CAMK1D: variants seen among roughly 807,000 people sequenced by gnomAD.
The protein encoded by CAMK1D is calcium/calmodulin dependent protein kinase ID, also known as calcium/calmodulin-dependent protein kinase type 1D.
Under a neutral mutation model 47.7 loss-of-function variants are expected in CAMK1D, and 9 were observed. The ratio of observed to expected loss-of-function variants is 0.19; its 90% CI spans 0.11 to 0.33. The LOEUF (loss-of-function observed/expected upper bound fraction) is 0.33, where lower values mean the gene tolerates loss of function less well. CAMK1D is among the 10% of genes least tolerant of loss of function. CAMK1D has a pLI of 1.00. For missense variants in CAMK1D, 291 were observed against 488.7 expected (o/e 0.60, Z 3.81); for synonymous variants, 184 against 184.9 (o/e 0.99, Z 0.04).
rs561300490 is a variant in CAMK1D at position 12,569,554 on chromosome 10, CA to C, written c.224+16213del. Reference sequence around the variant, plus strand: ...TGAAACCCCATCTCTACTAAAAATACAAAAAAAAAAAAAAATTAGCCGGGCT... The same window carrying C: ...TGAAACCCCATCTCTACTAAAAATACAAAAAAAAAAAAAATTAGCCGGGCT... On this transcript the variant is annotated intron_variant, in intron 2 of 10. Transcript: ENST00000619168. 4.6e-3 allele frequency among the ~76,000 whole-genome samples: 630 copies of C among 135,796 alleles called. 6 individuals are homozygous for C. Among genetic ancestry groups the C allele is most frequent in the African/African-American group, 0.013 (485 of 36,654 alleles). 89.1% of individuals were successfully genotyped at this position (135,796 alleles called of 152,430 possible).
chr10:12,477,468 G>A (rs895455910), intron 1 of CAMK1D, among the ~76,000 whole-genome samples: 1 of 152,180 alleles, frequency 6.6e-6, no homozygotes, highest in Non-Finnish European at 1.5e-5. Flanking sequence ...CATCTGAGAT[G>A]ACTGGGGAAG....
chr10:12,660,350 T>G (rs1341164061), intron 2 of CAMK1D, among the ~76,000 whole-genome samples: 1 of 152,176 alleles, frequency 6.6e-6, no homozygotes, highest in Non-Finnish European at 1.5e-5. Flanking sequence ...GAGGGGAAGA[T>G]GTTACTCTCA....
rs76777625 is a variant in CAMK1D at position 12,659,297 on chromosome 10, C to T, written c.225-7439C>T. ...TTCATGCTAAGAAGTTTTATCAGTTCTATATTTTGGAGAGATCACTCAGGA... is the reference window on the plus strand; with the variant it reads ...TTCATGCTAAGAAGTTTTATCAGTTTTATATTTTGGAGAGATCACTCAGGA... On this transcript the variant is annotated intron_variant, in intron 2 of 10. Coordinates refer to ENST00000619168, the MANE Select transcript of CAMK1D (RefSeq NM_153498.4). 6.0e-3 allele frequency among the ~76,000 whole-genome samples: 915 copies of T among 152,256 alleles called. 7 individuals carry two copies. The highest frequency in any genetic ancestry group is 0.029 in the South Asian group (142 of 4,820).
At chr10:12,538,665 C>T (rs11257872) in intron 1 of CAMK1D, among the ~76,000 whole-genome samples, 41,689 of 151,844 alleles carry the variant, frequency 0.27, 5,994 homozygotes, top group East Asian at 0.37. Flanking sequence ...AGTTGCTAGG[C>T]GTCCAGCAGA....
intron 1 of CAMK1D, among the ~76,000 whole-genome samples, chr10:12,398,577 G>C (rs1345796998): frequency 6.6e-6 from 1 of 152,144 alleles, no homozygotes; most frequent in Non-Finnish European, 1.5e-5. Context: ...TTGAACTCCT[G>C]ACCTCAGGTG....
At chr10:12,672,456 C>G (rs1840654900) in intron 3 of CAMK1D, among the ~76,000 whole-genome samples, 1 of 152,056 alleles carries the variant, frequency 6.6e-6, no homozygotes, top group Admixed American at 6.6e-5. Flanking sequence ...GCAACCTCTG[C>G]CTCCCGGGTT....
chr10:12,353,991 G>A (rs1837423617), intron 1 of CAMK1D, among the ~76,000 whole-genome samples: 1 of 152,152 alleles, frequency 6.6e-6, no homozygotes, highest in African/African-American at 2.4e-5. Context: ...AAGCTTCGGT[G>A]TGGTGTCTAG....
chr10:12,546,010 G>T lies in CAMK1D; in HGVS notation c.93-7215G>T, dbSNP rs1836357836. Reference sequence around the variant, plus strand: ...AGTGTTTGTACTGGGGACAGTGGCTGTAGTGACAGATGAGCCTGCGAAGTT... The same window carrying T: ...AGTGTTTGTACTGGGGACAGTGGCTTTAGTGACAGATGAGCCTGCGAAGTT... On this transcript the variant is annotated intron_variant, in intron 1 of 10. Transcript: ENST00000619168. Among the ~76,000 whole-genome samples the T allele has an allele frequency of 2.0e-5, 3 of 152,188 alleles. No homozygotes were observed. The South Asian group carries it at 6.2e-4, about 31-fold the overall frequency.
chr10:12,708,882 C>T (rs1833827501), intron 3 of CAMK1D, among the ~76,000 whole-genome samples: 1 of 152,220 alleles, frequency 6.6e-6, no homozygotes, highest in Non-Finnish European at 1.5e-5. Context: ...GTAATCCCAG[C>T]ACTTTGAGAG....
chr10:12,440,596 G>C (rs2768361), intron 1 of CAMK1D, among the ~76,000 whole-genome samples: 2 of 152,146 alleles, frequency 1.3e-5, no homozygotes, highest in Non-Finnish European at 2.9e-5. Flanking sequence ...CCAGATACCT[G>C]TTTTTTTGTT....
intron 3 of CAMK1D, among the ~76,000 whole-genome samples, chr10:12,701,400 C>T (rs111885031): frequency 2.6e-5 from 4 of 152,334 alleles, no homozygotes; most frequent in African/African-American, 9.6e-5. Context: ...AAATTAATTA[C>T]GGTTACTTGT....
intron 5 of CAMK1D, among the ~76,000 whole-genome samples, chr10:12,770,561 G>C (rs772018834): frequency 1.9e-4 from 29 of 152,246 alleles, no homozygotes; most frequent in Non-Finnish European, 3.7e-4. Context: ...TTAAGGCAGT[G>C]AATGACACAG....
intron 1 of CAMK1D, among the ~76,000 whole-genome samples, chr10:12,524,430 AGGCGC>A (rs1835550515): frequency 6.6e-6 from 1 of 152,128 alleles, no homozygotes. Context: ...CATTTTGACC[AGGCGC>A]GGTGGCGCAC....
At chr10:12,688,679 A>AT (rs1369724822) in intron 3 of CAMK1D, among the ~76,000 whole-genome samples, 4 of 147,832 alleles carry the variant, frequency 2.7e-5, no homozygotes, top group African/African-American at 8.0e-5. Context: ...ACATTCTTTT[A>AT]TTTTTTATTT....
At chr10:12,751,799 G>C (rs1173210885) in intron 3 of CAMK1D, among the ~76,000 whole-genome samples, 4 of 152,174 alleles carry the variant, frequency 2.6e-5, no homozygotes, top group African/African-American at 9.7e-5. Context: ...CAGCAGGGAA[G>C]CCATGTGGTG....
At position 12,425,726 on chromosome 10, in the gene CAMK1D, G is replaced by T. The variant is rs562651331; in HGVS notation, c.92+75816G>T. On this transcript the variant is annotated intron_variant, in intron 1 of 10. Coordinates refer to ENST00000619168, the MANE Select transcript of CAMK1D (RefSeq NM_153498.4). ...ATGAATGTCTTGGGCACAGCTCGCT[G>T]AGGTTAGTTGAGTGCCTGCCACATA... is the stretch of plus-strand genomic sequence containing the variant. Among the ~76,000 whole-genome samples the T allele has an allele frequency of 2.6e-5, 4 of 152,358 alleles. No homozygotes were observed. The East Asian group carries it at 7.7e-4, about 29-fold the overall frequency.
chr10:12,803,500 G>A (rs1399507480), intron 6 of CAMK1D, among the ~76,000 whole-genome samples: 1 of 152,064 alleles, frequency 6.6e-6, no homozygotes, highest in Non-Finnish European at 1.5e-5. Context: ...TGGCCAACAC[G>A]GTGAAACCCC....
At chr10:12,591,704 T>G (rs181320048) in intron 2 of CAMK1D, among the ~76,000 whole-genome samples, 12 of 152,346 alleles carry the variant, frequency 7.9e-5, no homozygotes, top group Admixed American at 2.6e-4. Context: ...TTGGTTGGTT[T>G]GTTTTTTGAG....
chr10:12,688,153 C>T (rs1214908060), intron 3 of CAMK1D, among the ~76,000 whole-genome samples: 1 of 152,156 alleles, frequency 6.6e-6, no homozygotes, highest in Admixed American at 6.5e-5. Flanking sequence ...AGGCAATATC[C>T]TTGTGACATG....
Sources: gnomAD v4.1 joint callset for allele counts (sites outside exome capture counted in the v4.1 genomes callset) on GRCh38, gnomAD v4.1.1 for gene constraint, MANE v1.5 for transcripts, NCBI Gene and HGNC (gene_info 2026-07-23, HGNC 2026-07-21) for gene names.